Variants in AK8 observed in about 807,000 individuals in gnomAD.
The protein encoded by AK8 is adenylate kinase 8.
In AK8, 44 loss-of-function variants were observed where a neutral mutation model predicts 54.6. The observed-to-expected ratio is 0.81, with a 90% confidence interval of 0.63 to 1.04. The LOEUF is 1.04. AK8 is among the 50% of genes least tolerant of loss of function. The pLI is 0.00. For missense variants in AK8, 555 were observed against 613.6 expected (o/e 0.90, Z 1.01); for synonymous variants, 239 against 245.6 (o/e 0.97, Z 0.25).
chr9:132,749,341 G>A (rs185905856), intron 11 of AK8, among the ~76,000 whole-genome samples: 1 of 152,086 alleles, frequency 6.6e-6, no homozygotes, highest in African/African-American at 2.4e-5. Context: ...AGTAAAGGCA[G>A]GCTCTGGGTT....
intron 11 of AK8, among the ~76,000 whole-genome samples, chr9:132,750,651 A>C (rs923963295): frequency 1.3e-5 from 2 of 151,960 alleles, no homozygotes; most frequent in East Asian, 1.9e-4. Context: ...TTCAGATTCT[A>C]GCGCTTCAAA....
At chr9:132,782,697 A>T (rs1839530242) in intron 11 of AK8, among the ~76,000 whole-genome samples, 1 of 152,170 alleles carries the variant, frequency 6.6e-6, no homozygotes, top group Non-Finnish European at 1.5e-5. Flanking sequence ...CTCAAAAAAA[A>T]AAACAAAAAC....
At chr9:132,814,815 A>AG in intron 9 of AK8, 88 bp from the exon 10 acceptor site, 2 of 1,101,004 alleles carry the variant, frequency 1.8e-6, no homozygotes, top group East Asian at 2.6e-5. Context: ...CTGCCTGCTG[A>AG]GGGAAAAAAA....
intron 9 of AK8, among the ~76,000 whole-genome samples, chr9:132,815,700 C>T (rs1841297688): frequency 2.0e-5 from 3 of 152,252 alleles, no homozygotes; most frequent in Admixed American, 2.0e-4. Flanking sequence ...CTAGGGCCGG[C>T]ACAAAGGAGG....
chr9:132,853,323 A>C (rs1200344444), intron 5 of AK8, among the ~76,000 whole-genome samples: 1 of 144,892 alleles, frequency 6.9e-6, no homozygotes, highest in African/African-American at 2.6e-5. Context: ...ATGCCGCTGC[A>C]CTCCTACCTG....
At chr9:132,797,223 A>C (rs1840215952) in intron 10 of AK8, among the ~76,000 whole-genome samples, 2 of 140,830 alleles carry the variant, frequency 1.4e-5, no homozygotes, top group African/African-American at 5.1e-5. Flanking sequence ...GGATCCCCCC[A>C]GTAGGGTCAG....
intron 9 of AK8, among the ~76,000 whole-genome samples, chr9:132,820,817 C>T (rs1454546201): frequency 1.3e-5 from 2 of 152,200 alleles, no homozygotes; most frequent in Non-Finnish European, 2.9e-5. Context: ...CGGATGGCCG[C>T]AGCGGAGCAG....
chr9:132,731,560 C>T (rs1836847310), intron 11 of AK8, among the ~76,000 whole-genome samples: 1 of 152,206 alleles, frequency 6.6e-6, no homozygotes, highest in African/African-American at 2.4e-5. Context: ...GCTTCTGCTG[C>T]TGTGGACATC....
intron 10 of AK8, among the ~76,000 whole-genome samples, chr9:132,798,144 A>T (rs1840265169): frequency 1.3e-5 from 2 of 152,150 alleles, no homozygotes; most frequent in South Asian, 4.1e-4. Flanking sequence ...TGCTGCTCTG[A>T]GGCTACCGAC....
intron 5 of AK8, among the ~76,000 whole-genome samples, chr9:132,834,170 C>A (rs1842223800): frequency 6.6e-6 from 1 of 152,256 alleles, no homozygotes; most frequent in Non-Finnish European, 1.5e-5. Context: ...GCACTGCAGG[C>A]TGAACGCGGC....
intron 4 of AK8, among the ~76,000 whole-genome samples, chr9:132,858,099 C>T (rs1349598796): frequency 6.6e-6 from 1 of 152,242 alleles, no homozygotes; most frequent in Admixed American, 6.5e-5. Flanking sequence ...AGGCCCCTGG[C>T]CCCGGGTCTC....
At chr9:132,775,897 C>A (rs760848814) in intron 11 of AK8, among the ~76,000 whole-genome samples, 1 of 152,220 alleles carries the variant, frequency 6.6e-6, no homozygotes, top group Non-Finnish European at 1.5e-5. Context: ...CATGAGGCTG[C>A]AGGCAGAGTT....
chr9:132,878,107 C>T lies in AK8; in HGVS notation c.84+65G>A, dbSNP rs1439670860. 1.3e-6 allele frequency: 2 copies of T among 1,549,188 alleles called. No individual in the cohort carries two copies. The highest frequency in any genetic ancestry group is 3.9e-5 in the Admixed American group (2 of 51,534). ...CCAGCTGCGGGTCCCGGCCGCGCAC[C>T]CGACGTCGCAGTGGAGGCTCCCGAG... is the stretch of plus-strand genomic sequence containing the variant. On this transcript the variant is annotated intron_variant, in intron 1 of 12. Transcript: ENST00000298545. This position sits in a 1 kb window ranked among gnomAD's most constrained non-coding sequence, Gnocchi z 4.7.
chr9:132,740,325 A>G (rs1488395093), intron 11 of AK8, among the ~76,000 whole-genome samples: 1 of 152,226 alleles, frequency 6.6e-6, no homozygotes, highest in Non-Finnish European at 1.5e-5. Flanking sequence ...TCACATCAGC[A>G]AACAAATGAG....
At chr9:132,782,323 C>T (rs1053414603) in intron 11 of AK8, among the ~76,000 whole-genome samples, 13 of 152,178 alleles carry the variant, frequency 8.5e-5, no homozygotes, top group African/African-American at 3.1e-4. Context: ...CACCCTGCCC[C>T]TGCCTTCTTT....
chr9:132,870,965 G>A (rs1843800489), intron 2 of AK8, among the ~76,000 whole-genome samples: 1 of 152,238 alleles, frequency 6.6e-6, no homozygotes. Context: ...CACCTAGGCG[G>A]CCGGGTATGG....
chr9:132,841,927 C>A (rs1019101732), intron 5 of AK8, among the ~76,000 whole-genome samples: 1 of 152,016 alleles, frequency 6.6e-6, no homozygotes, highest in Admixed American at 6.6e-5. Context: ...TTCTCAAAAA[C>A]CTGAACCCGG....
Position 132,803,687 on chromosome 9 carries a change from G to A in AK8, c.980-10912C>T, listed in dbSNP as rs1564409656. Reference sequence around the variant, plus strand: ...AGCTGGGAGGAAGCAGAGTCTGAATGGGAACCAAGTCTGTGTGATTCTGAG... The same window carrying A: ...AGCTGGGAGGAAGCAGAGTCTGAATAGGAACCAAGTCTGTGTGATTCTGAG... On this transcript the variant is annotated intron_variant, in intron 10 of 12. Coordinates refer to ENST00000298545, the MANE Select transcript of AK8 (RefSeq NM_152572.3). The surrounding 1 kb of genome is among the most constrained non-coding windows in gnomAD (Gnocchi z 4.4). Among the ~76,000 whole-genome samples, 1 of 152,168 alleles carries A rather than the reference G, an allele frequency of 6.6e-6. No homozygotes were observed. Among genetic ancestry groups the A allele is most frequent in the Non-Finnish European group, 1.5e-5 (1 of 68,026 alleles).
At chr9:132,877,323 G>C (rs1564452996) in intron 1 of AK8, among the ~76,000 whole-genome samples, 1 of 152,160 alleles carries the variant, frequency 6.6e-6, no homozygotes, top group African/African-American at 2.4e-5. Context: ...CTTCGTCTGG[G>C]CTCAGCTGTC....
Sources: allele counts gnomAD v4.1 joint callset (sites outside exome capture counted in the v4.1 genomes callset), GRCh38; gene constraint gnomAD v4.1.1; non-coding constraint Gnocchi (gnomAD v3.1); transcripts MANE v1.5; gene names NCBI Gene and HGNC (gene_info 2026-07-23, HGNC 2026-07-21).